The following IL1RAPL1 variants were observed in gnomAD, a reference collection of about 807,000 sequenced individuals.
IL1RAPL1 encodes interleukin 1 receptor accessory protein like 1.
Under a neutral mutation model 48.4 loss-of-function variants are expected in IL1RAPL1, and 3 were observed. That is an observed-to-expected ratio of 0.06 (90% confidence interval 0.03 to 0.16). The LOEUF is 0.16. Ranked by LOEUF, IL1RAPL1 falls within the 10% of genes least tolerant of loss-of-function variation. The pLI, the probability that IL1RAPL1 is intolerant of heterozygous loss-of-function variation, is 1.00. For missense variants in IL1RAPL1, 349 were observed against 530.6 expected, an observed-to-expected ratio of 0.66 and a Z score of 3.36; for synonymous variants, 185 against 187.7, an observed-to-expected ratio of 0.99 and a Z score of 0.12.
rs1360320282 is a variant in IL1RAPL1 at position 29,668,089 on chromosome X, A to G, written c.704-341A>G. On this transcript the variant is annotated intron_variant, in intron 5 of 10. Transcript: ENST00000378993. Reference sequence around the variant, plus strand: ...ATGTGTAGCTTTAATTAACACAGAAAAAAATGCAGGACATCCCATTAAAAG... The same window carrying G: ...ATGTGTAGCTTTAATTAACACAGAAGAAAATGCAGGACATCCCATTAAAAG... 8.0e-5 allele frequency among the ~76,000 whole-genome samples: 9 copies of G among 112,435 alleles called. No individual in the cohort carries two copies. In the Admixed American group the frequency reaches 8.5e-4, roughly 11 times the overall value.
At chrX:29,538,095 GA>G (rs1921297206) in intron 5 of IL1RAPL1, among the ~76,000 whole-genome samples, 2 of 108,953 alleles carry the variant, frequency 1.8e-5, no homozygotes, top group Admixed American at 2.0e-4. Flanking sequence ...AGATAGCTGG[GA>G]AAATAGTTAC....
intron 5 of IL1RAPL1, among the ~76,000 whole-genome samples, chrX:29,528,914 T>C (rs1329779650): frequency 2.7e-5 from 3 of 110,985 alleles, no homozygotes; most frequent in African/African-American, 9.8e-5. Flanking sequence ...TGACAGTTAA[T>C]ATCACCAAAA....
rs192090828 is a variant in IL1RAPL1 at position 29,844,698 on chromosome X, C to T, written c.779-72766C>T. On this transcript the variant is annotated intron_variant, in intron 6 of 10. Transcript: ENST00000378993. Reference sequence around the variant, plus strand: ...GATTTAAAGTATACAGGAGAATGTGCATAGGTTATGTGCAAACTACATAAT... The same window carrying T: ...GATTTAAAGTATACAGGAGAATGTGTATAGGTTATGTGCAAACTACATAAT... Among the ~76,000 whole-genome samples, 173 of 112,066 alleles carry T rather than the reference C, an allele frequency of 1.5e-3. 1 individual carries two copies. The highest frequency in any genetic ancestry group is 5.1e-3 in the African/African-American group (159 of 30,889).
chrX:28,775,191 C>A (rs1936350553), intron 1 of IL1RAPL1, among the ~76,000 whole-genome samples: 1 of 111,934 alleles, frequency 8.9e-6, no homozygotes, highest in Non-Finnish European at 1.9e-5. Context: ...CAAATTACCA[C>A]AAACAGGGTA....
chrX:29,350,940 T>C (rs997301097), intron 3 of IL1RAPL1, among the ~76,000 whole-genome samples: 2 of 111,343 alleles, frequency 1.8e-5, no homozygotes, highest in Non-Finnish European at 3.8e-5. Context: ...GCACCTAAAG[T>C]CGCAGTTTCC....
chrX:29,150,411 A>G (rs529836129), intron 2 of IL1RAPL1, among the ~76,000 whole-genome samples: 9 of 111,566 alleles, frequency 8.1e-5, no homozygotes, highest in Non-Finnish European at 1.1e-4. Context: ...TAACATTTCT[A>G]TTATTTCAAT....
At chrX:29,150,649 C>T (rs1431960280) in intron 2 of IL1RAPL1, among the ~76,000 whole-genome samples, 1 of 110,031 alleles carries the variant, frequency 9.1e-6, no homozygotes, top group Non-Finnish European at 1.9e-5. Context: ...CAAGGCTGGG[C>T]GCGGTGGCTC....
At chrX:29,442,693 T>C (rs970991646) in intron 5 of IL1RAPL1, among the ~76,000 whole-genome samples, 2 of 109,543 alleles carry the variant, frequency 1.8e-5, no homozygotes, top group Middle Eastern at 4.6e-3. Flanking sequence ...CTTGTCTCTG[T>C]AGAAAATTTA....
At chrX:29,466,581 A>C in intron 5 of IL1RAPL1, among the ~76,000 whole-genome samples, 1 of 106,962 alleles carries the variant, frequency 9.3e-6, no homozygotes. Flanking sequence ...AAATATTTTC[A>C]TGTAATTATA....
chrX:29,345,098 A>C (rs1159412151), intron 3 of IL1RAPL1, among the ~76,000 whole-genome samples: 2 of 112,825 alleles, frequency 1.8e-5, no homozygotes, highest in Admixed American at 1.9e-4. Flanking sequence ...AGAATTATCC[A>C]AATGTTTCAC....
chrX:29,614,014 C>T (rs1393201300), intron 5 of IL1RAPL1, among the ~76,000 whole-genome samples: 2 of 109,782 alleles, frequency 1.8e-5, no homozygotes, highest in African/African-American at 3.3e-5. Context: ...CTGCCCACCT[C>T]GGCCTCCCAA....
At chrX:29,043,191 A>C (rs1473478238) in intron 2 of IL1RAPL1, among the ~76,000 whole-genome samples, 1 of 111,674 alleles carries the variant, frequency 9.0e-6, no homozygotes, top group African/African-American at 3.3e-5. Context: ...TGAAATACTT[A>C]CATTTCTCTA....
chrX:29,195,098 A>G (rs932486598), intron 2 of IL1RAPL1, among the ~76,000 whole-genome samples: 1 of 111,971 alleles, frequency 8.9e-6, no homozygotes, highest in African/African-American at 3.3e-5. Context: ...AAATAGATCT[A>G]GCACAACACT....
chrX:29,207,724 A>G (rs1428769335), intron 2 of IL1RAPL1, among the ~76,000 whole-genome samples: 1 of 111,577 alleles, frequency 9.0e-6, no homozygotes, highest in African/African-American at 3.3e-5. Context: ...ACTTCATTAT[A>G]GATATCTTAT....
At chrX:28,734,653 A>C (rs1400790892) in intron 1 of IL1RAPL1, among the ~76,000 whole-genome samples, 6 of 109,328 alleles carry the variant, frequency 5.5e-5, no homozygotes, top group Admixed American at 9.8e-5. Flanking sequence ...ACCCTCCTCT[A>C]GAGCTTAGTA....
At chrX:29,006,492 C>T (rs1164771102) in intron 2 of IL1RAPL1, among the ~76,000 whole-genome samples, 1 of 104,022 alleles carries the variant, frequency 9.6e-6, no homozygotes, top group Non-Finnish European at 2.0e-5. Flanking sequence ...CCAACATGGG[C>T]AACAAGAGCA....
At chrX:29,835,171 C>T (rs954714470) in intron 6 of IL1RAPL1, among the ~76,000 whole-genome samples, 2 of 112,062 alleles carry the variant, frequency 1.8e-5, no homozygotes, top group African/African-American at 6.5e-5. Flanking sequence ...TAAAGCACTT[C>T]ATTCCCCAAA....
At chrX:29,104,164 C>T (rs1928401652) in intron 2 of IL1RAPL1, among the ~76,000 whole-genome samples, 1 of 112,163 alleles carries the variant, frequency 8.9e-6, no homozygotes, top group East Asian at 2.8e-4. Context: ...GAAGTGATAT[C>T]TGCACTCTCG....
At chrX:29,876,875 A>G (rs934939657) in intron 6 of IL1RAPL1, among the ~76,000 whole-genome samples, 1 of 111,824 alleles carries the variant, frequency 8.9e-6, no homozygotes, top group Non-Finnish European at 1.9e-5. Flanking sequence ...ACAGATTACC[A>G]CAGTAAATAA....
Sources: gnomAD v4.1 joint callset for allele counts (sites outside exome capture counted in the v4.1 genomes callset) on GRCh38, gnomAD v4.1.1 for gene constraint, MANE v1.5 for transcripts, NCBI Gene and HGNC (gene_info 2026-07-23, HGNC 2026-07-21) for gene names.